Variants in PCDHA12 observed in about 807,000 individuals in gnomAD.
PCDHA12 encodes the protein protocadherin alpha 12.
PCDHA12 carries 44 observed loss-of-function variants against 60.0 expected under a neutral mutation model. The observed-to-expected ratio is 0.73, with a 90% CI of 0.58 to 0.94. The LOEUF is 0.94. Among genes scored for constraint, PCDHA12 ranks in the 40% least tolerant of loss-of-function variants. The pLI is 0.00. For missense variants in PCDHA12, 1,276 were observed against 1,239.7 expected (o/e 1.03, Z -0.44); for synonymous variants, 569 against 553.0 (o/e 1.03, Z -0.40).
intron 1 of PCDHA12, chr5:140,968,754 G>T: frequency 1.2e-6 from 2 of 1,614,170 alleles, no homozygotes; most frequent in Non-Finnish European, 1.7e-6. Flanking sequence ...GTGGTGGTCC[G>T]AGATAATGGA....
intron 1 of PCDHA12, among the ~76,000 whole-genome samples, chr5:140,913,735 G>A (rs1416656981): frequency 6.6e-6 from 1 of 151,834 alleles, no homozygotes; most frequent in Non-Finnish European, 1.5e-5. Context: ...CCCTCTAATA[G>A]TACTCCTTTT....
At position 141,010,191 on chromosome 5, in the gene PCDHA12, C is replaced by T; in HGVS notation, c.*254C>T. 1 of 1,552,476 alleles carries T rather than the reference C, an allele frequency of 6.4e-7. No homozygotes were observed. The highest frequency in any genetic ancestry group is 1.4e-5 in the African/African-American group (1 of 73,166). ...AACCTAAAAAGCAGACCCAAGTTTCCTTTCTCCTCCGCCGCAAAGGAGAGG... is the reference window on the plus strand; with the variant it reads ...AACCTAAAAAGCAGACCCAAGTTTCTTTTCTCCTCCGCCGCAAAGGAGAGG... On this transcript the variant is annotated 3_prime_UTR_variant, in exon 4 of 4. Transcript: ENST00000398631.
intron 1 of PCDHA12, among the ~76,000 whole-genome samples, chr5:140,906,601 A>G (rs1337843589): frequency 6.6e-6 from 1 of 152,156 alleles, no homozygotes; most frequent in Non-Finnish European, 1.5e-5. Flanking sequence ...TCTACTACTC[A>G]TTCTGTATTC....
chr5:140,941,231 C>CTT (rs1554214107), intron 1 of PCDHA12, among the ~76,000 whole-genome samples: 1 of 136,770 alleles, frequency 7.3e-6, no homozygotes, highest in African/African-American at 2.8e-5. Context: ...TTCTTTCTTT[C>CTT]TTTCTTTCTT....
At chr5:140,883,547 G>C in intron 1 of PCDHA12, 1 of 1,614,234 alleles carries the variant, frequency 6.2e-7, no homozygotes, top group Non-Finnish European at 8.5e-7. Flanking sequence ...GGTGGTGACC[G>C]CGCGGGACGG....
intron 1 of PCDHA12, among the ~76,000 whole-genome samples, chr5:140,944,929 CT>C (rs2093712661): frequency 6.6e-6 from 1 of 152,052 alleles, no homozygotes; most frequent in Admixed American, 6.6e-5. Context: ...TGGTTTATGC[CT>C]TCTTTAGATG....
chr5:140,998,594 T>A (rs1396456161), intron 3 of PCDHA12, among the ~76,000 whole-genome samples: 4 of 152,076 alleles, frequency 2.6e-5, no homozygotes, highest in Non-Finnish European at 5.9e-5. Context: ...GACAGAGTTT[T>A]GCTCTTGTTG....
chr5:140,896,008 T>C (rs1231092307), intron 1 of PCDHA12, among the ~76,000 whole-genome samples: 4 of 152,082 alleles, frequency 2.6e-5, no homozygotes, highest in Non-Finnish European at 4.4e-5. Flanking sequence ...ACAGGGTTTC[T>C]CCATGTTGGC....
intron 1 of PCDHA12, among the ~76,000 whole-genome samples, chr5:140,944,592 C>T (rs1225606041): frequency 2.6e-5 from 4 of 152,086 alleles, no homozygotes; most frequent in Non-Finnish European, 4.4e-5. Flanking sequence ...CAGAATTTCC[C>T]TGGGTAGAGT....
chr5:141,009,732 A>G lies in PCDHA12; in HGVS notation c.2621A>G (p.Glu874Gly). ...AACCCCAAACAATCCGGTCCCGGTG[A>G]GTTGCCCGACAAATTCATTATCCCA... is the stretch of plus-strand genomic sequence containing the variant. Reference protein sequence around the residue: ...PGNPKQSGPGELPDKFIIPGS... With the variant: ...PGNPKQSGPGGLPDKFIIPGS... Residue 874 changes from glutamate to glycine, a missense_variant, in exon 4 of 4, where the codon GAG becomes GGG. Transcript: ENST00000398631. The G allele has an allele frequency of 6.2e-7, 1 of 1,614,168 alleles. No individual in the cohort carries two copies. Among genetic ancestry groups the G allele is most frequent in the Non-Finnish European group, 8.5e-7 (1 of 1,180,032 alleles).
chr5:140,877,095 C>T lies in PCDHA12; in HGVS notation c.1623C>T (p.Gly541=). The T allele has an allele frequency of 6.2e-7, 1 of 1,613,330 alleles. No individual in the cohort carries two copies. The highest frequency in any genetic ancestry group is 8.5e-7 in the Non-Finnish European group (1 of 1,179,830). ...TCCAGGTGAGCGCGCGCGACGCCGG[C>T]GTGCCGCCTCTGGGCAGCAACGTGA... ...LQFQVSARDA[G]VPPLGSNVTL... Residue 541 remains glycine (G), a synonymous_variant, in exon 1 of 4, where the codon GGC becomes GGT. Transcript: ENST00000398631.
rs782156769 is a variant in PCDHA12, at chr5:140,877,832, C to T, written c.2360C>T (p.Pro787Leu). 3 of 1,591,692 alleles carry T rather than the reference C, an allele frequency of 1.9e-6. No individual in the cohort carries two copies. The highest frequency in any genetic ancestry group is 2.7e-5 in the African/African-American group (2 of 73,720). ...TCTCGAGAAGATTGTTTAAATCCTC[C>T]CAGTGAAGTAAGTTATTAATATTAT... ...QLSREDCLNP[P>L]SEPRQPNPDW... The change falls in exon 1 of 4, where the codon CCC becomes CTC. Residue 787 changes from proline to leucine, a missense_variant. Pro to Leu is a moderately conservative substitution (Grantham distance 98). Transcript: ENST00000398631.
At chr5:140,936,986 A>G (rs2091244455) in intron 1 of PCDHA12, among the ~76,000 whole-genome samples, 1 of 151,898 alleles carries the variant, frequency 6.6e-6, no homozygotes, top group Non-Finnish European at 1.5e-5. Context: ...GCTTGTTAAC[A>G]TTGACAATAT....
chr5:140,969,672 A>C (rs1251717537), intron 1 of PCDHA12, among the ~76,000 whole-genome samples: 2 of 152,198 alleles, frequency 1.3e-5, no homozygotes, highest in African/African-American at 4.8e-5. Context: ...TAATGTTATG[A>C]GACTCAAGGA....
intron 1 of PCDHA12, among the ~76,000 whole-genome samples, chr5:140,958,824 A>T (rs1008923744): frequency 8.5e-5 from 13 of 152,158 alleles, no homozygotes; most frequent in African/African-American, 3.1e-4. Context: ...TAATTTTTAT[A>T]TCTTAAAGTT....
In PCDHA12 at chr5:140,877,476, G is replaced by T. The variant is rs1554169787; in HGVS notation, c.2004G>T (p.Ser668=). The T allele has an allele frequency of 1.2e-6, 2 of 1,613,870 alleles. No homozygotes were observed. Among genetic ancestry groups the T allele is most frequent in the South Asian group, 1.1e-5 (1 of 91,074 alleles). ...CGTCCACGGCCACGGTGCTGGTGTC[G>T]CTGGTGGAGAACGGCCAGGCCCCAA... ...ALTSTATVLV[S]LVENGQAPKT... The change falls in exon 1 of 4, where the codon TCG becomes TCT. Residue 668 remains serine, a synonymous_variant. Coordinates refer to ENST00000398631, the MANE Select transcript of PCDHA12 (RefSeq NM_018903.4).
rs201991205 is a variant in PCDHA12 at position 140,982,521 on chromosome 5, G to C, written c.2473G>C (p.Gly825Arg). ...TGGCATTCTACGGGCTGGTCCAGGAGGGCCTGATCAGCAGTGGCCAACAGT... is the reference window on the plus strand; with the variant it reads ...TGGCATTCTACGGGCTGGTCCAGGACGGCCTGATCAGCAGTGGCCAACAGT... ...EAGILRAGPG[G>R]PDQQWPTVSS... Residue 825 changes from glycine to arginine, a missense_variant, in exon 3 of 4, where the codon GGG becomes CGG. Gly to Arg is a moderately radical substitution (Grantham distance 125). Coordinates refer to ENST00000398631, the MANE Select transcript of PCDHA12 (RefSeq NM_018903.4). The C allele has an allele frequency of 9.3e-6, 15 of 1,614,216 alleles. No individual in the cohort carries two copies. In the Admixed American group the frequency reaches 2.3e-4, roughly 25 times the overall value.
chr5:140,918,511 C>G (rs574083461), intron 1 of PCDHA12, among the ~76,000 whole-genome samples: 1 of 152,144 alleles, frequency 6.6e-6, no homozygotes, highest in African/African-American at 2.4e-5. Flanking sequence ...TCCTTTTAAA[C>G]TTATTGAGGA....
At chr5:140,881,719 C>A (rs914788204) in intron 1 of PCDHA12, among the ~76,000 whole-genome samples, 3 of 152,104 alleles carry the variant, frequency 2.0e-5, no homozygotes, top group African/African-American at 7.2e-5. Context: ...GTGAGGAGGT[C>A]TTGAAAAATA....
Sources: gnomAD v4.1 joint callset for allele counts (sites outside exome capture counted in the v4.1 genomes callset) on GRCh38, gnomAD v4.1.1 for gene constraint, MANE v1.5 for transcripts, NCBI Gene and HGNC (gene_info 2026-07-23, HGNC 2026-07-21) for gene names.